Variants in PTF1A observed in about 807,000 individuals in gnomAD.
PTF1A encodes pancreas associated transcription factor 1a, also known as pancreas transcription factor 1 subunit alpha.
Under a neutral mutation model 22.6 loss-of-function variants are expected in PTF1A, and 18 were observed. The observed-to-expected ratio is 0.80, with a 90% CI of 0.55 to 1.18. PTF1A has a LOEUF of 1.18. PTF1A is among the 50% of genes most tolerant of loss of function. The pLI, the probability that PTF1A is intolerant of heterozygous loss-of-function variation, is 0.00. For synonymous variants in PTF1A, 259 were observed against 227.9 expected (o/e 1.14, Z -1.23); for missense variants, 477 against 473.0 (o/e 1.01, Z -0.08).
Position 23,192,717 on chromosome 10 carries a change from C to T in PTF1A, c.187C>T (p.Arg63Cys), listed in dbSNP as rs761273405. 7 of 1,551,668 alleles carry T rather than the reference C, an allele frequency of 4.5e-6. No individual in the cohort carries two copies. In the Admixed American group the frequency reaches 5.6e-5, roughly 12 times the overall value. Residue 63 changes from arginine to cysteine, a missense_variant, in exon 1 of 2, where the codon CGC becomes TGC. Arg to Cys is a radical substitution (Grantham distance 180, BLOSUM62 -3). Coordinates refer to ENST00000376504, the MANE Select transcript of PTF1A (RefSeq NM_178161.3). Reference protein sequence around the residue: ...LSHQLHEYCYRDGACLLLQPA... With the variant: ...LSHQLHEYCYCDGACLLLQPA... ...CCACCAGCTCCACGAGTACTGCTACCGCGACGGGGCGTGCCTGCTGCTGCA... is the reference window on the plus strand; with the variant it reads ...CCACCAGCTCCACGAGTACTGCTACTGCGACGGGGCGTGCCTGCTGCTGCA...
intron 1 of PTF1A, 186 bp from the exon 2 acceptor site, chr10:23,193,518 G>C (rs1213563200): frequency 3.0e-5 from 21 of 703,354 alleles, no homozygotes; most frequent in Non-Finnish European, 4.4e-5. Flanking sequence ...TCAAGGGCGC[G>C]CGTCCCCGCC....
chr10:23,193,602 T>C, intron 1 of PTF1A, 102 bp from the exon 2 acceptor site: 1 of 926,710 alleles, frequency 1.1e-6, no homozygotes, highest in South Asian at 1.3e-5. Flanking sequence ...GTGGTTCTAG[T>C]ATAACCGGAG....
chr10:23,193,489 G>C, intron 1 of PTF1A, 175 bp downstream of exon 1: 1 of 621,872 alleles, frequency 1.6e-6, no homozygotes, highest in Non-Finnish European at 2.4e-6. Flanking sequence ...TTATTTTTCT[G>C]CCACGTTGAC....
chr10:23,193,089 C>T lies in PTF1A; in HGVS notation c.559C>T (p.Arg187Cys). ...CATCAACGACGCCTTCGAGGGGCTG[C>T]GCTCGCACATCCCCACGCTGCCCTA... ...QSINDAFEGL[R>C]SHIPTLPYEK... The change falls in exon 1 of 2, where the codon CGC (arginine) becomes TGC (cysteine). Residue 187 changes from arginine to cysteine, a missense_variant. Transcript: ENST00000376504. The T allele has an allele frequency of 2.1e-6, 3 of 1,419,780 alleles. No homozygotes were observed. The highest frequency in any genetic ancestry group is 2.3e-5 in the Admixed American group (1 of 43,902). The allele number at this position is 1,419,780 out of a possible 1,614,324, so 87.9% of individuals were successfully genotyped here.
rs1387432837 is a variant in PTF1A at position 23,192,897 on chromosome 10, G to T, written c.367G>T (p.Ala123Ser). Residue 123 changes from alanine to serine, a missense_variant, in exon 1 of 2, where the codon GCC (alanine) becomes TCC (serine). By Grantham distance (99) the Ala-to-Ser change is moderately conservative (BLOSUM62 1). Coordinates refer to ENST00000376504, the MANE Select transcript of PTF1A (RefSeq NM_178161.3). ...GCCCGGCTCGCCGCCCTCGTGCCTG[G>T]CCTACCCGTGCGCCGGGGCGGCAGT... ...YSPGSPPSCL[A>S]YPCAGAAVLS... The T allele has an allele frequency of 1.3e-5, 17 of 1,287,450 alleles. No homozygotes were observed. Among genetic ancestry groups the T allele is most frequent in the Non-Finnish European group, 1.6e-5 (16 of 1,013,260 alleles). The allele number at this position is 1,287,450 out of a possible 1,614,324, so 79.8% of individuals were successfully genotyped here.
chr10:23,194,143 A>C lies in PTF1A; in HGVS notation c.*237A>C. ...ATGCAATAGCCTATGATTTTCCTGA[A>C]CTCTGTGTTGTTGGGAGAACTCTGG... is the stretch of plus-strand genomic sequence containing the variant. On this transcript the variant is annotated 3_prime_UTR_variant, in exon 2 of 2. Coordinates refer to ENST00000376504, the MANE Select transcript of PTF1A (RefSeq NM_178161.3). 1 of 461,560 alleles carries C rather than the reference A, an allele frequency of 2.2e-6. No homozygotes were observed. Among genetic ancestry groups the C allele is most frequent in the Non-Finnish European group, 3.8e-6 (1 of 260,954 alleles). 28.6% of individuals were successfully genotyped at this position (461,560 alleles called of 1,614,324 possible).
Position 23,194,232 on chromosome 10 carries a change from C to T in PTF1A, c.*326C>T, listed in dbSNP as rs2131682207. ...TATTTCTAAGCGTTGTCAATAAATG[C>T]TATTTACACCTTTTCCTGAAGGTTT... On this transcript the variant is annotated 3_prime_UTR_variant, in exon 2 of 2. Transcript: ENST00000376504. The T allele has an allele frequency of 4.1e-6, 1 of 241,120 alleles. No homozygotes were observed. Among genetic ancestry groups the T allele is most frequent in the Non-Finnish European group, 8.0e-6 (1 of 124,710 alleles). 14.9% of individuals were successfully genotyped at this position (241,120 alleles called of 1,614,324 possible).
At position 23,193,884 on chromosome 10, in the gene PTF1A, C is replaced by G; in HGVS notation, c.965C>G (p.Pro322Arg). 1.2e-6 allele frequency: 2 copies of G among 1,613,956 alleles called. No individual in the cohort carries two copies. Among genetic ancestry groups the G allele is most frequent in the Non-Finnish European group, 1.7e-6 (2 of 1,179,920 alleles). Residue 322 changes from proline (P) to arginine (R), a missense_variant, in exon 2 of 2, where the codon CCA (proline) becomes CGA (arginine). By Grantham distance (103) the Pro-to-Arg change is moderately radical. Coordinates refer to ENST00000376504, the MANE Select transcript of PTF1A (RefSeq NM_178161.3). ...KSSFNNIENE[P>R]PFEFVS ...TCCTTCAACAACATAGAAAACGAAC[C>G]ACCATTTGAGTTTGTGTCCTGAGAA...
rs951442425 is a variant in PTF1A at position 23,192,914 on chromosome 10, G to A, written c.384G>A (p.Gly128=). The A allele has an allele frequency of 8.1e-5, 102 of 1,260,490 alleles. No homozygotes were observed. In the African/African-American group the frequency reaches 1.5e-3, roughly 19 times the overall value. 78.1% of individuals were successfully genotyped at this position (1,260,490 alleles called of 1,614,324 possible). The part of the protein sequence containing the change: ...PPSCLAYPCA[G]AAVLSPGARL... ...CGTGCCTGGCCTACCCGTGCGCCGG[G>A]GCGGCAGTACTGTCTCCCGGGGCGC... The change falls in exon 1 of 2, where the codon GGG becomes GGA. Residue 128 remains glycine (G), a synonymous_variant. Transcript: ENST00000376504.
rs1840934253 is a variant in PTF1A, at chr10:23,194,017, CTG to C, written c.*113_*114del. 24 of 824,242 alleles carry C rather than the reference CTG, an allele frequency of 2.9e-5. No homozygotes were observed. The highest frequency in any genetic ancestry group is 4.6e-5 in the Non-Finnish European group (22 of 478,738). 51.1% of individuals were successfully genotyped at this position (824,242 alleles called of 1,614,324 possible). ...ATCAAATTTTTCGAATGGCAATCAA[CTG>C]TTTATTATTTATCTATTTATTATCC... On this transcript the variant is annotated 3_prime_UTR_variant, in exon 2 of 2. Coordinates refer to ENST00000376504, the MANE Select transcript of PTF1A (RefSeq NM_178161.3).
Position 23,192,702 on chromosome 10 carries a change from C to T in PTF1A, c.172C>T (p.His58Tyr), listed in dbSNP as rs759962056. Residue 58 changes from histidine to tyrosine, a missense_variant, in exon 1 of 2, where the codon CAC becomes TAC. Coordinates refer to ENST00000376504, the MANE Select transcript of PTF1A (RefSeq NM_178161.3). ...GGTGGAGTTCCTTAGCCACCAGCTC[C>T]ACGAGTACTGCTACCGCGACGGGGC... ...AEVEFLSHQLHEYCYRDGACL... is the reference protein window; with the variant it reads ...AEVEFLSHQLYEYCYRDGACL... The T allele has an allele frequency of 1.5e-5, 24 of 1,579,648 alleles. 1 individual carries two copies. In the South Asian group the frequency reaches 1.6e-4, roughly 10 times the overall value.
At position 23,193,252 on chromosome 10, in the gene PTF1A, G is replaced by C. The variant is rs749229626; in HGVS notation, c.722G>C (p.Arg241Pro). ...GGCGGPGGGG[R>P]LGGDSPGSQA... is the part of the protein sequence containing the mutation. ...TGCGGGGGGCCGGGCGGCGGCGGGC[G>C]CCTGGGCGGGGACAGCCCGGGCAGC... The change falls in exon 1 of 2, where the codon CGC becomes CCC. Residue 241 changes from arginine (R) to proline (P), a missense_variant. Coordinates refer to ENST00000376504, the MANE Select transcript of PTF1A (RefSeq NM_178161.3). 6 of 1,245,516 alleles carry C rather than the reference G, an allele frequency of 4.8e-6. No individual in the cohort carries two copies. In the East Asian group the frequency reaches 1.6e-4, roughly 34 times the overall value. 77.2% of individuals were successfully genotyped at this position (1,245,516 alleles called of 1,614,324 possible). A position where few individuals can be genotyped will look rare whatever the true frequency, so the allele number is the denominator to read the frequency against.
rs1264915538 is a variant in PTF1A, at chr10:23,192,985, G to C, written c.455G>C (p.Arg152Pro). The change falls in exon 1 of 2, where the codon CGG (arginine) becomes CCG (proline). Residue 152 changes from arginine to proline, a missense_variant. By Grantham distance (103) the Arg-to-Pro change is moderately radical. Transcript: ENST00000376504. Reference protein sequence around the residue: ...SGAAAAAARRRRRVRSEAELQ... With the variant: ...SGAAAAAARRPRRVRSEAELQ... ...GCGGCGGCTGCGGCGGCGCGGCGCC[G>C]GCGGCGGGTGCGCTCCGAGGCGGAG... The C allele has an allele frequency of 8.8e-6, 10 of 1,135,234 alleles. No individual in the cohort carries two copies. Among genetic ancestry groups the C allele is most frequent in the Non-Finnish European group, 1.1e-5 (10 of 929,092 alleles). 70.3% of individuals were successfully genotyped at this position (1,135,234 alleles called of 1,614,324 possible).
In PTF1A at chr10:23,193,085, G is replaced by C; in HGVS notation, c.555G>C (p.Gly185=). 7.1e-7 allele frequency: 1 copy of C among 1,414,970 alleles called. No homozygotes were observed. Among genetic ancestry groups the C allele is most frequent in the Non-Finnish European group, 9.3e-7 (1 of 1,075,504 alleles). 87.7% of individuals were successfully genotyped at this position (1,414,970 alleles called of 1,614,324 possible). A position where few individuals can be genotyped will look rare whatever the true frequency, so the allele number is the denominator to read the frequency against. The change falls in exon 1 of 2, where the codon GGG becomes GGC. Residue 185 remains glycine (G), a synonymous_variant. Coordinates refer to ENST00000376504, the MANE Select transcript of PTF1A (RefSeq NM_178161.3). ...AGTCCATCAACGACGCCTTCGAGGG[G>C]CTGCGCTCGCACATCCCCACGCTGC... ...RMQSINDAFE[G]LRSHIPTLPY...
In PTF1A at chr10:23,193,801, T is replaced by C; in HGVS notation, c.882T>C (p.Ile294=). 1 of 1,613,744 alleles carries C rather than the reference T, an allele frequency of 6.2e-7. No homozygotes were observed. The highest frequency in any genetic ancestry group is 8.5e-7 in the Non-Finnish European group (1 of 1,179,754). The change falls in exon 2 of 2, where the codon ATT becomes ATC. Residue 294 remains isoleucine (I), a synonymous_variant. Transcript: ENST00000376504. ...TDEKQLKEQN[I]IRTAKVWTPE... is the part of the protein sequence containing the mutation. Reference sequence around the variant, plus strand: ...AAAAACAACTCAAGGAACAAAATATTATCCGAACAGCCAAAGTCTGGACCC... The same window carrying C: ...AAAAACAACTCAAGGAACAAAATATCATCCGAACAGCCAAAGTCTGGACCC...
rs1285923084 is a variant in PTF1A, at chr10:23,192,323, G to T, written c.-208G>T. On this transcript the variant is annotated 5_prime_UTR_variant, in exon 1 of 2. Coordinates refer to ENST00000376504, the MANE Select transcript of PTF1A (RefSeq NM_178161.3). ...GCCGGCCCTCAGCTCCAGGAAGTCC[G>T]CCACAGCCCTCCCCAGCGCAGCGCG... 7 of 448,162 alleles carry T rather than the reference G, an allele frequency of 1.6e-5. No individual in the cohort carries two copies. The highest frequency in any genetic ancestry group is 4.0e-5 in the East Asian group (1 of 24,818). The allele number at this position is 448,162 out of a possible 1,614,324, so 27.8% of individuals were successfully genotyped here. A position where few individuals can be genotyped will look rare whatever the true frequency, so the allele number is the denominator to read the frequency against.
chr10:23,193,793 C>G lies in PTF1A; in HGVS notation c.874C>G (p.Gln292Glu). The change falls in exon 2 of 2, where the codon CAA (glutamine) becomes GAA (glutamate). Residue 292 changes from glutamine to glutamate, a missense_variant. By Grantham distance (29) the Gln-to-Glu change is conservative (BLOSUM62 2). Coordinates refer to ENST00000376504, the MANE Select transcript of PTF1A (RefSeq NM_178161.3). The part of the protein sequence containing the change: ...SWTDEKQLKE[Q>E]NIIRTAKVWT... ...GACTGATGAAAAACAACTCAAGGAA[C>G]AAAATATTATCCGAACAGCCAAAGT... is the stretch of plus-strand genomic sequence containing the variant. The G allele has an allele frequency of 6.2e-7, 1 of 1,613,726 alleles. No individual in the cohort carries two copies. Among genetic ancestry groups the G allele is most frequent in the Non-Finnish European group, 8.5e-7 (1 of 1,179,730 alleles).
In PTF1A at chr10:23,194,179, T is replaced by C. The variant is rs956594392; in HGVS notation, c.*273T>C. ...TTGGGAGAACTCTGGCCAGAAAACG[T>C]CCTGCTTATTTATTGCCAGATATGG... On this transcript the variant is annotated 3_prime_UTR_variant, in exon 2 of 2. Coordinates refer to ENST00000376504, the MANE Select transcript of PTF1A (RefSeq NM_178161.3). The C allele has an allele frequency of 1.1e-5, 4 of 380,190 alleles. No homozygotes were observed. Among genetic ancestry groups the C allele is most frequent in the African/African-American group, 8.3e-5 (4 of 48,166 alleles). The allele number at this position is 380,190 out of a possible 1,614,324, so 23.6% of individuals were successfully genotyped here. A position where few individuals can be genotyped will look rare whatever the true frequency, so the allele number is the denominator to read the frequency against.
chr10:23,193,805 C>T lies in PTF1A; in HGVS notation c.886C>T (p.Arg296Ter), dbSNP rs104894186. The change falls in exon 2 of 2, where the codon CGA becomes TGA. Residue 296 changes from arginine (R) to a stop codon, truncating the protein, a stop_gained. Transcript: ENST00000376504. LOFTEE classifies it high-confidence loss of function. ...EKQLKEQNII[R>*]TAKVWTPEDP... The stretch of plus-strand genomic sequence containing the variant: ...ACAACTCAAGGAACAAAATATTATC[C>T]GAACAGCCAAAGTCTGGACCCCAGA... The T allele has an allele frequency of 6.2e-7, 1 of 1,613,750 alleles. No individual in the cohort carries two copies. Among genetic ancestry groups the T allele is most frequent in the Non-Finnish European group, 8.5e-7 (1 of 1,179,726 alleles).
Sources: allele counts gnomAD v4.1 joint callset, GRCh38; gene constraint gnomAD v4.1.1; transcripts MANE v1.5; gene names NCBI Gene and HGNC (gene_info 2026-07-23, HGNC 2026-07-21).